The following TTC27 variants were observed in gnomAD, a reference collection of about 807,000 sequenced individuals.
TTC27 encodes the protein tetratricopeptide repeat protein 27.
In TTC27, 79 loss-of-function variants were observed where a neutral mutation model predicts 115.9. That is an observed-to-expected ratio of 0.68 (90% CI 0.57 to 0.82). The LOEUF (loss-of-function observed/expected upper bound fraction) is 0.82. Ranked by LOEUF, TTC27 falls within the 40% of genes least tolerant of loss-of-function variation. TTC27 has a pLI of 0.00. For missense variants in TTC27, 1,054 were observed against 993.1 expected (o/e 1.06, Z -0.82); for synonymous variants, 401 against 356.0 (o/e 1.13, Z -1.42).
chr2:32,762,664 C>T (rs1475409252), intron 13 of TTC27, among the ~76,000 whole-genome samples: 1 of 151,258 alleles, frequency 6.6e-6, no homozygotes, highest in Non-Finnish European at 1.5e-5. Flanking sequence ...GATGGAGTCT[C>T]GCTCTGTCAC....
chr2:32,788,948 C>T (rs1670438758), intron 16 of TTC27, among the ~76,000 whole-genome samples: 1 of 152,124 alleles, frequency 6.6e-6, no homozygotes. Context: ...TGAGGGCTTG[C>T]CGTGTGTCTG....
chr2:32,629,775 T>C (rs778314891), intron 1 of TTC27, among the ~76,000 whole-genome samples: 19 of 152,146 alleles, frequency 1.2e-4, no homozygotes, highest in Non-Finnish European at 2.4e-4. Flanking sequence ...GCAATGAATA[T>C]TTACCAGAGA....
rs766231689 is a variant in TTC27 at position 32,650,082 on chromosome 2, G to C, written c.538-49G>C. 35 of 1,470,416 alleles carry C rather than the reference G, an allele frequency of 2.4e-5. 2 individuals are homozygous for C. The South Asian group carries it at 4.2e-4, about 18-fold the overall frequency. 91.1% of individuals were successfully genotyped at this position (1,470,416 alleles called of 1,614,324 possible). A position where few individuals can be genotyped will look rare whatever the true frequency, so the allele number is the denominator to read the frequency against. ...AAAAATCTCAGTTAATGTAAAAAGA[G>C]TTTTCTAAAGTATCCTTTTATTTCA... On this transcript the variant is annotated intron_variant, in intron 4 of 19. Coordinates refer to ENST00000317907, the MANE Select transcript of TTC27 (RefSeq NM_017735.5).
At position 32,659,196 on chromosome 2, in the gene TTC27, C is replaced by T. The variant is rs537550900; in HGVS notation, c.641-5107C>T. Among the ~76,000 whole-genome samples the T allele has an allele frequency of 3.9e-4, 60 of 152,244 alleles. 2 individuals carry two copies. The South Asian group carries it at 0.012, about 32-fold the overall frequency. On this transcript the variant is annotated intron_variant, in intron 5 of 19. Transcript: ENST00000317907. ...GCTCAGGCTTGTCTTGAACTCCTGG[C>T]TTCAAGCAATCTTTCCACCTAGGTC...
rs556916604 is a variant in TTC27, at chr2:32,698,543, G to C, written c.1120-4264G>C. On this transcript the variant is annotated intron_variant, in intron 9 of 19. Coordinates refer to ENST00000317907, the MANE Select transcript of TTC27 (RefSeq NM_017735.5). ...CACGCAGCCTGGAGTGCAGTGGCGC[G>C]ATCTCAGCTCACTGCAAGCTCCGCC... 5.5e-3 allele frequency among the ~76,000 whole-genome samples: 822 copies of C among 148,876 alleles called. 11 individuals carry two copies. Among genetic ancestry groups the C allele is most frequent in the African/African-American group, 0.019 (780 of 40,482 alleles).
At chr2:32,659,331 T>G (rs1212535102) in intron 5 of TTC27, among the ~76,000 whole-genome samples, 1 of 150,962 alleles carries the variant, frequency 6.6e-6, no homozygotes, top group African/African-American at 2.4e-5. Flanking sequence ...TGATATCGTC[T>G]TCATCAGATT....
intron 9 of TTC27, among the ~76,000 whole-genome samples, chr2:32,683,576 G>T (rs968499631): frequency 3.9e-5 from 6 of 152,166 alleles, no homozygotes; most frequent in Admixed American, 2.0e-4. Flanking sequence ...CTTGTCCTAA[G>T]AGGAATAGCT....
rs566727667 is a variant in TTC27, at chr2:32,784,274, A to G, written c.1832+1596A>G. On this transcript the variant is annotated intron_variant, in intron 15 of 19. Transcript: ENST00000317907. ...GTTTCTCGACTTTCTTACCTCTTGC[A>G]GCTCCACAAATAGGTTTTCATGCAA... is the stretch of plus-strand genomic sequence containing the variant. 2.6e-5 allele frequency among the ~76,000 whole-genome samples: 4 copies of G among 152,280 alleles called. No individual in the cohort carries two copies. In the South Asian group the frequency reaches 8.3e-4, roughly 32 times the overall value.
At chr2:32,657,576 C>T (rs1039712492) in intron 5 of TTC27, among the ~76,000 whole-genome samples, 3 of 151,908 alleles carry the variant, frequency 2.0e-5, no homozygotes, top group African/African-American at 7.3e-5. Context: ...TTTTCAGACC[C>T]ATTTAAATTT....
chr2:32,771,936 T>C (rs1004895160), intron 13 of TTC27, among the ~76,000 whole-genome samples: 3 of 152,146 alleles, frequency 2.0e-5, no homozygotes, highest in African/African-American at 7.2e-5. Flanking sequence ...ACCTTTATTA[T>C]ATGTGACAGA....
intron 12 of TTC27, among the ~76,000 whole-genome samples, chr2:32,741,679 C>CAAA (rs1385012774): frequency 2.7e-5 from 4 of 150,516 alleles, no homozygotes; most frequent in Admixed American, 6.6e-5. Context: ...ACAACAACAA[C>CAAA]AACAAAAAAA....
At chr2:32,796,970 C>G (rs181417580) in intron 16 of TTC27, among the ~76,000 whole-genome samples, 2 of 151,436 alleles carry the variant, frequency 1.3e-5, no homozygotes, top group Non-Finnish European at 2.9e-5. Flanking sequence ...GTCAGGACTT[C>G]GAGACCAGCC....
At chr2:32,749,829 A>C (rs1009864719) in intron 12 of TTC27, among the ~76,000 whole-genome samples, 1 of 152,338 alleles carries the variant, frequency 6.6e-6, no homozygotes, top group South Asian at 2.1e-4. Flanking sequence ...GAGATCATGC[A>C]TTTAAGAATC....
At chr2:32,747,872 TTTTC>T (rs1379351011) in intron 12 of TTC27, among the ~76,000 whole-genome samples, 5 of 152,180 alleles carry the variant, frequency 3.3e-5, no homozygotes, top group Non-Finnish European at 5.9e-5. Context: ...TAATGTCTCC[TTTTC>T]TTTCTAATTT....
chr2:32,798,736 AT>A (rs1217322080), intron 16 of TTC27, among the ~76,000 whole-genome samples: 1 of 151,456 alleles, frequency 6.6e-6, no homozygotes, highest in African/African-American at 2.4e-5. Context: ...AATAATAATA[AT>A]AAGTGTTGAC....
chr2:32,766,527 C>A, intron 13 of TTC27: 1 of 440,752 alleles, frequency 2.3e-6, no homozygotes, highest in South Asian at 1.7e-5. Context: ...GTGGAGCAGT[C>A]AGAACATACA....
chr2:32,655,583 G>A (rs1287725295), intron 5 of TTC27, among the ~76,000 whole-genome samples: 2 of 152,112 alleles, frequency 1.3e-5, no homozygotes, highest in South Asian at 2.1e-4. Flanking sequence ...ATAATGTGAC[G>A]TTTTGTAGTC....
chr2:32,700,490 T>C (rs369268454), intron 9 of TTC27, among the ~76,000 whole-genome samples: 1 of 152,198 alleles, frequency 6.6e-6, no homozygotes, highest in South Asian at 2.1e-4. Flanking sequence ...TTATGGGTAG[T>C]GGAATCAGTT....
chr2:32,657,611 A>G (rs570642192), intron 5 of TTC27, among the ~76,000 whole-genome samples: 55 of 152,210 alleles, frequency 3.6e-4, no homozygotes, highest in African/African-American at 1.3e-3. Context: ...ACAAAGGGGT[A>G]TCTGTTTCTT....
Sources: gnomAD v4.1 joint callset for allele counts (sites outside exome capture counted in the v4.1 genomes callset) on GRCh38, gnomAD v4.1.1 for gene constraint, MANE v1.5 for transcripts, NCBI Gene and HGNC (gene_info 2026-07-23, HGNC 2026-07-21) for gene names.